The following TMEM17 variants were observed in gnomAD, a reference collection of about 807,000 sequenced individuals.
The protein encoded by TMEM17 is transmembrane protein 17.
TMEM17 carries 15 observed loss-of-function variants against 19.1 expected under a neutral mutation model. That is an observed-to-expected ratio of 0.78 (90% CI 0.52 to 1.21). TMEM17 has a LOEUF of 1.21. Ranked by LOEUF, TMEM17 falls within the 50% of genes most tolerant of loss-of-function variation. The pLI is 0.00. For synonymous variants in TMEM17, 103 were observed against 86.9 expected (o/e 1.19, Z -1.03); for missense variants, 245 against 242.3 (o/e 1.01, Z -0.07).
At chr2:62,473,581 G>C in the TMEM17 span, among the ~76,000 whole-genome samples, 1 of 152,194 alleles carries the variant, frequency 6.6e-6, no homozygotes, top group African/African-American at 2.4e-5. Context: ...AGTGAGGGAA[G>C]CAGCAGAGGA....
At chr2:62,479,918 A>T in the TMEM17 span, among the ~76,000 whole-genome samples, 1 of 150,562 alleles carries the variant, frequency 6.6e-6, no homozygotes, top group Admixed American at 6.6e-5. Flanking sequence ...AAAAAAGATA[A>T]ATTTCCAGTA....
chr2:62,453,871 T>C, the TMEM17 span, among the ~76,000 whole-genome samples: 3 of 152,206 alleles, frequency 2.0e-5, no homozygotes, highest in Non-Finnish European at 4.4e-5. Context: ...AGAGAATAGA[T>C]ACTTGCCTGT....
At chr2:62,504,506 A>G (rs148065065) in intron 1 of TMEM17, among the ~76,000 whole-genome samples, 1 of 152,346 alleles carries the variant, frequency 6.6e-6, no homozygotes, top group African/African-American at 2.4e-5. Context: ...TGTTAGAAGT[A>G]TTGTGTGTTA....
the TMEM17 span, among the ~76,000 whole-genome samples, chr2:62,491,727 G>C: frequency 6.6e-6 from 1 of 151,992 alleles, no homozygotes; most frequent in Non-Finnish European, 1.5e-5. Context: ...AAATAAGATA[G>C]CACATGAAAG....
the TMEM17 span, among the ~76,000 whole-genome samples, chr2:62,469,155 A>G: frequency 6.6e-6 from 1 of 152,250 alleles, no homozygotes; most frequent in Non-Finnish European, 1.5e-5. Flanking sequence ...GGCAACACTT[A>G]GTACAGAAGA....
the TMEM17 span, among the ~76,000 whole-genome samples, chr2:62,455,853 T>A: frequency 1.3e-5 from 2 of 152,248 alleles, no homozygotes; most frequent in African/African-American, 4.8e-5. Context: ...ATTATAGTTC[T>A]TCCACACTTT....
chr2:62,473,572 G>A, the TMEM17 span, among the ~76,000 whole-genome samples: 2 of 152,200 alleles, frequency 1.3e-5, no homozygotes, highest in African/African-American at 4.8e-5. Flanking sequence ...GCTGCTGGGA[G>A]TGAGGGAAGC....
the TMEM17 span, among the ~76,000 whole-genome samples, chr2:62,465,898 G>C: frequency 6.6e-6 from 1 of 152,154 alleles, no homozygotes; most frequent in African/African-American, 2.4e-5. Context: ...GGCAAAAGCA[G>C]AAGTCTTTTA....
chr2:62,497,062 G>T (rs187365931), downstream of TMEM17, among the ~76,000 whole-genome samples: 16 of 152,226 alleles, frequency 1.1e-4, no homozygotes, highest in Admixed American at 1.0e-3. Flanking sequence ...CTGAAAAGAT[G>T]AATTAGAAAA....
At chr2:62,469,740 G>A in the TMEM17 span, among the ~76,000 whole-genome samples, 1 of 152,232 alleles carries the variant, frequency 6.6e-6, no homozygotes, top group African/African-American at 2.4e-5. Flanking sequence ...CTGAGCATAG[G>A]AAAGTGTGCA....
Position 62,501,499 on chromosome 2 carries a change from C to CATAA in TMEM17, c.319-13_319-12insTTAT. Reference sequence around the variant, plus strand: ...GCCAACTCAGGAACCTGCAATGACACATATCAAGAGTAATAAAAATCAGTA... The same window carrying CATAA: ...GCCAACTCAGGAACCTGCAATGACACATAAATATCAAGAGTAATAAAAATCAGTA... On this transcript the variant is annotated splice_polypyrimidine_tract_variant and intron_variant, in intron 3 of 3. Coordinates refer to ENST00000335390, the MANE Select transcript of TMEM17 (RefSeq NM_198276.3). 1 of 1,605,502 alleles carries CATAA rather than the reference C, an allele frequency of 6.2e-7. No homozygotes were observed. Among genetic ancestry groups the CATAA allele is most frequent in the South Asian group, 1.1e-5 (1 of 89,588 alleles).
chr2:62,481,299 A>G, the TMEM17 span, among the ~76,000 whole-genome samples: 61 of 152,176 alleles, frequency 4.0e-4, no homozygotes, highest in Non-Finnish European at 4.3e-4. Context: ...TGTGCCCTGC[A>G]ACTTTACTGA....
the TMEM17 span, among the ~76,000 whole-genome samples, chr2:62,489,826 G>A: frequency 6.6e-6 from 1 of 152,152 alleles, no homozygotes; most frequent in Non-Finnish European, 1.5e-5. Context: ...TTGCATCAAA[G>A]TGTTAATATG....
the TMEM17 span, among the ~76,000 whole-genome samples, chr2:62,483,896 C>T: frequency 8.5e-5 from 13 of 152,086 alleles, no homozygotes; most frequent in East Asian, 5.8e-4. Context: ...CCACCACACC[C>T]GGCCTACGAT....
the TMEM17 span, among the ~76,000 whole-genome samples, chr2:62,475,017 C>T: frequency 6.6e-6 from 1 of 152,178 alleles, no homozygotes; most frequent in African/African-American, 2.4e-5. Flanking sequence ...AGATCAGCAC[C>T]CAGGTCCTAT....
At chr2:62,487,950 C>A in the TMEM17 span, among the ~76,000 whole-genome samples, 1 of 152,200 alleles carries the variant, frequency 6.6e-6, no homozygotes, top group Non-Finnish European at 1.5e-5. Context: ...CTGCCTTGGC[C>A]TCCCAAAGTG....
chr2:62,458,748 C>T, the TMEM17 span, among the ~76,000 whole-genome samples: 8 of 152,166 alleles, frequency 5.3e-5, no homozygotes, highest in Non-Finnish European at 8.8e-5. Context: ...ACAGCGTGCC[C>T]GTGTCTGTAG....
chr2:62,485,921 G>T, the TMEM17 span, among the ~76,000 whole-genome samples: 1 of 152,126 alleles, frequency 6.6e-6, no homozygotes, highest in African/African-American at 2.4e-5. Flanking sequence ...AGATTTGCAC[G>T]GAATTGACCT....
At chr2:62,499,395 T>C (rs957693392), downstream of TMEM17, among the ~76,000 whole-genome samples, 10 of 152,184 alleles carry the variant, frequency 6.6e-5, no homozygotes, top group Non-Finnish European at 1.5e-4. Flanking sequence ...TAGTCCTATC[T>C]GGGAAACAAA....
Sources: allele counts gnomAD v4.1 joint callset (sites outside exome capture counted in the v4.1 genomes callset), GRCh38; gene constraint gnomAD v4.1.1; transcripts MANE v1.5; gene names NCBI Gene and HGNC (gene_info 2026-07-23, HGNC 2026-07-21).